Variants in PTPRR observed in about 807,000 individuals in gnomAD.
PTPRR encodes the protein protein tyrosine phosphatase receptor type R, also known as receptor-type tyrosine-protein phosphatase R.
In PTPRR, 38 loss-of-function variants were observed where a neutral mutation model predicts 77.2. The observed-to-expected ratio is 0.49, with a 90% CI of 0.38 to 0.65. The LOEUF (loss-of-function observed/expected upper bound fraction) is 0.65. Ranked by LOEUF, PTPRR falls within the 30% of genes least tolerant of loss-of-function variation. The pLI is 0.00. For missense variants in PTPRR, 744 were observed against 799.2 expected (o/e 0.93, Z 0.83); for synonymous variants, 299 against 283.1 (o/e 1.06, Z -0.57).
At chr12:70,852,814 C>T (rs548341513) in intron 2 of PTPRR, among the ~76,000 whole-genome samples, 1 of 152,124 alleles carries the variant, frequency 6.6e-6, no homozygotes, top group Admixed American at 6.5e-5. Flanking sequence ...TTTTCTCCCC[C>T]CTTCTATTCT....
chr12:70,823,751 G>A (rs1892062721), intron 2 of PTPRR, among the ~76,000 whole-genome samples: 1 of 152,178 alleles, frequency 6.6e-6, no homozygotes, highest in Non-Finnish European at 1.5e-5. Flanking sequence ...GAGAGAGTTA[G>A]GAGCACACGG....
At chr12:70,829,948 T>A (rs1227612382) in intron 2 of PTPRR, among the ~76,000 whole-genome samples, 1 of 152,202 alleles carries the variant, frequency 6.6e-6, no homozygotes, top group African/African-American at 2.4e-5. Flanking sequence ...TTTTACCAAA[T>A]AAGATTGAGG....
chr12:70,671,121 C>T (rs532262267), intron 10 of PTPRR, among the ~76,000 whole-genome samples: 3 of 152,222 alleles, frequency 2.0e-5, no homozygotes, highest in South Asian at 2.1e-4. Context: ...CAAACAATGA[C>T]GCTTAACACA....
chr12:70,726,512 C>T (rs1228487098), intron 6 of PTPRR, among the ~76,000 whole-genome samples: 1 of 151,806 alleles, frequency 6.6e-6, no homozygotes, highest in South Asian at 2.1e-4. Context: ...TATAACAGTG[C>T]CTGGAATGTA....
intron 1 of PTPRR, among the ~76,000 whole-genome samples, chr12:70,919,670 A>ATTTTTT (rs1592833637): frequency 1.1e-5 from 1 of 88,412 alleles, no homozygotes. Context: ...TGGAACTGTA[A>ATTTTTT]TTGTTTTTTT....
intron 2 of PTPRR, among the ~76,000 whole-genome samples, chr12:70,872,244 T>C (rs1475724820): frequency 6.6e-6 from 1 of 152,162 alleles, no homozygotes; most frequent in African/African-American, 2.4e-5. Flanking sequence ...GAAGATCACA[T>C]AATGGCACAT....
chr12:70,734,903 T>TTG (rs1214210112), intron 6 of PTPRR, among the ~76,000 whole-genome samples: 4 of 152,218 alleles, frequency 2.6e-5, no homozygotes, highest in African/African-American at 7.2e-5. Flanking sequence ...TCACCCTGGG[T>TTG]TGTATCCACT....
chr12:70,654,179 A>C (rs529217236), intron 13 of PTPRR, among the ~76,000 whole-genome samples: 222 of 152,312 alleles, frequency 1.5e-3, no homozygotes, highest in Non-Finnish European at 2.3e-3. Flanking sequence ...AGTGTTTTAC[A>C]TATATTATCT....
intron 10 of PTPRR, chr12:70,672,511 A>T: frequency 8.1e-7 from 1 of 1,239,736 alleles, no homozygotes; most frequent in Non-Finnish European, 1.2e-6. Flanking sequence ...CTGGCAAATG[A>T]GACATGATGG....
intron 8 of PTPRR, among the ~76,000 whole-genome samples, chr12:70,686,808 C>T (rs1446650480): frequency 6.6e-6 from 1 of 152,128 alleles, no homozygotes; most frequent in Non-Finnish European, 1.5e-5. Flanking sequence ...CAATTGAAAT[C>T]TCATGAAAGA....
chr12:70,819,062 T>C (rs1891959101), intron 2 of PTPRR, among the ~76,000 whole-genome samples: 2 of 152,218 alleles, frequency 1.3e-5, no homozygotes, highest in Admixed American at 6.5e-5. Context: ...GGCTCACACC[T>C]GTAATCCCGG....
intron 2 of PTPRR, among the ~76,000 whole-genome samples, chr12:70,871,157 T>C (rs528394068): frequency 1.3e-5 from 2 of 152,116 alleles, no homozygotes; most frequent in Non-Finnish European, 2.9e-5. Context: ...TTCAATTCCA[T>C]TCAAACATCA....
chr12:70,902,925 T>C (rs1727001047), intron 1 of PTPRR, among the ~76,000 whole-genome samples: 1 of 151,800 alleles, frequency 6.6e-6, no homozygotes, highest in African/African-American at 2.4e-5. Context: ...AATGTAATAC[T>C]ATTCAGTCTT....
chr12:70,819,909 GTTC>G (rs1405546137), intron 2 of PTPRR, among the ~76,000 whole-genome samples: 1 of 152,058 alleles, frequency 6.6e-6, no homozygotes, highest in East Asian at 1.9e-4. Flanking sequence ...ATGAAGAGAA[GTTC>G]TTCAATTATG....
intron 1 of PTPRR, among the ~76,000 whole-genome samples, chr12:70,913,718 C>T (rs1893734239): frequency 6.6e-6 from 1 of 152,066 alleles, no homozygotes; most frequent in Non-Finnish European, 1.5e-5. Flanking sequence ...TCTCCATTTC[C>T]TTGTTGTCAA....
At chr12:70,807,488 C>T (rs1297293246) in intron 2 of PTPRR, among the ~76,000 whole-genome samples, 2 of 152,152 alleles carry the variant, frequency 1.3e-5, no homozygotes, top group African/African-American at 4.8e-5. Flanking sequence ...TCCCCCCACC[C>T]CACCAGATAC....
intron 2 of PTPRR, among the ~76,000 whole-genome samples, chr12:70,858,058 T>C (rs980561878): frequency 3.3e-5 from 5 of 152,072 alleles, no homozygotes; most frequent in Admixed American, 3.3e-4. Context: ...AATGACTGAG[T>C]AGATCAGGGG....
chr12:70,902,197 A>G (rs1893547309), intron 1 of PTPRR, among the ~76,000 whole-genome samples: 1 of 151,934 alleles, frequency 6.6e-6, no homozygotes, highest in African/African-American at 2.4e-5. Flanking sequence ...TGATCAGGGA[A>G]CACTTTAACA....
intron 2 of PTPRR, among the ~76,000 whole-genome samples, chr12:70,803,503 A>C (rs1891653411): frequency 6.6e-6 from 1 of 152,176 alleles, no homozygotes; most frequent in African/African-American, 2.4e-5. Context: ...ACATGTAACA[A>C]CTTGAAGCTT....
Sources: gnomAD v4.1 joint callset for allele counts (sites outside exome capture counted in the v4.1 genomes callset) on GRCh38, gnomAD v4.1.1 for gene constraint, MANE v1.5 for transcripts, NCBI Gene and HGNC (gene_info 2026-07-23, HGNC 2026-07-21) for gene names.